ACOT13: variants seen among roughly 807,000 people sequenced by gnomAD.
ACOT13 encodes acyl-coenzyme A thioesterase 13.
Under a neutral mutation model 11.8 loss-of-function variants are expected in ACOT13, and 10 were observed. The ratio of observed to expected loss-of-function variants is 0.85; its 90% CI spans 0.53 to 1.44. The LOEUF is 1.44. Ranked by LOEUF, ACOT13 falls within the 40% of genes most tolerant of loss-of-function variation. The pLI, the probability that ACOT13 is intolerant of heterozygous loss-of-function variation, is 0.00. For missense variants in ACOT13, 172 were observed against 174.1 expected, an observed-to-expected ratio of 0.99 and a Z score of 0.07; for synonymous variants, 53 against 61.0, an observed-to-expected ratio of 0.87 and a Z score of 0.61.
At chr6:24,671,714 C>G (rs1778369822) in intron 1 of ACOT13, among the ~76,000 whole-genome samples, 1 of 151,886 alleles carries the variant, frequency 6.6e-6, no homozygotes, top group Non-Finnish European at 1.5e-5. Context: ...TAAAGAGGAC[C>G]AAAACAACAC....
At chr6:24,675,094 G>T (rs1381255882) in intron 1 of ACOT13, among the ~76,000 whole-genome samples, 1 of 152,032 alleles carries the variant, frequency 6.6e-6, no homozygotes, top group Non-Finnish European at 1.5e-5. Context: ...GTATTCCATG[G>T]TATATATGTG....
At chr6:24,678,841 G>C (rs1227273647) in intron 1 of ACOT13, among the ~76,000 whole-genome samples, 1 of 152,182 alleles carries the variant, frequency 6.6e-6, no homozygotes. Flanking sequence ...GGACAGGAGA[G>C]TAAGACTGAG....
chr6:24,672,864 C>A (rs767803551), intron 1 of ACOT13, among the ~76,000 whole-genome samples: 40 of 152,160 alleles, frequency 2.6e-4, no homozygotes, highest in Non-Finnish European at 5.1e-4. Context: ...ACCTCTTCTT[C>A]GATAGTCTCT....
intron 1 of ACOT13, among the ~76,000 whole-genome samples, chr6:24,684,876 A>T (rs1337990008): frequency 6.6e-6 from 1 of 152,080 alleles, no homozygotes; most frequent in African/African-American, 2.4e-5. Flanking sequence ...TCCAGGCATG[A>T]TAGTGCGTAG....
chr6:24,690,619 T>C (rs549197754), intron 1 of ACOT13, among the ~76,000 whole-genome samples: 1 of 152,234 alleles, frequency 6.6e-6, no homozygotes, highest in Non-Finnish European at 1.5e-5. Flanking sequence ...ACCACCACTA[T>C]CTCAGTGAAC....
At chr6:24,676,283 G>A (rs1778453532) in intron 1 of ACOT13, among the ~76,000 whole-genome samples, 2 of 152,040 alleles carry the variant, frequency 1.3e-5, no homozygotes, top group African/African-American at 2.4e-5. Flanking sequence ...GTAGCTTGAT[G>A]GGGATGGCAT....
At chr6:24,697,217 C>T (rs573260421) in intron 1 of ACOT13, among the ~76,000 whole-genome samples, 2 of 152,334 alleles carry the variant, frequency 1.3e-5, no homozygotes, top group East Asian at 3.9e-4. Context: ...ACACTTTATA[C>T]TAACATGGGT....
intron 1 of ACOT13, among the ~76,000 whole-genome samples, chr6:24,688,412 T>A (rs940061576): frequency 1.3e-5 from 2 of 151,748 alleles, no homozygotes; most frequent in African/African-American, 4.8e-5. Context: ...TGGTGGTGTG[T>A]GCCTGTGGCC....
intron 2 of ACOT13, among the ~76,000 whole-genome samples, chr6:24,698,638 T>TA (rs1249107650): frequency 1.3e-5 from 2 of 148,558 alleles, no homozygotes; most frequent in African/African-American, 5.0e-5. Flanking sequence ...ACACCATTGC[T>TA]GGGGTTTTTT....
At chr6:24,698,188 T>G (rs1778830175) in intron 2 of ACOT13, 121 bp downstream of exon 2, 1 of 894,112 alleles carries the variant, frequency 1.1e-6, no homozygotes. Flanking sequence ...TCTCCTTAAC[T>G]GCACCTATAG....
intron 1 of ACOT13, among the ~76,000 whole-genome samples, chr6:24,676,650 C>T (rs2127622572): frequency 6.6e-6 from 1 of 152,244 alleles, no homozygotes; most frequent in Non-Finnish European, 1.5e-5. Context: ...TCTAAATATA[C>T]AATCATGTCA....
At position 24,701,683 on chromosome 6, in the gene ACOT13, G is replaced by C. The variant is rs1308286611; in HGVS notation, c.*68G>C. 6.3e-6 allele frequency: 9 copies of C among 1,434,216 alleles called. No homozygotes were observed. In the South Asian group the frequency reaches 7.4e-5, roughly 12 times the overall value. 88.8% of individuals were successfully genotyped at this position (1,434,216 alleles called of 1,614,324 possible). On this transcript the variant is annotated 3_prime_UTR_variant, in exon 3 of 3. Coordinates refer to ENST00000230048, the MANE Select transcript of ACOT13 (RefSeq NM_018473.4). Reference sequence around the variant, plus strand: ...AAGTATAGATTTGACTCAAACAATTGTAATTTTTGAAATAAACTAGCAAAA... The same window carrying C: ...AAGTATAGATTTGACTCAAACAATTCTAATTTTTGAAATAAACTAGCAAAA...
chr6:24,667,628 C>T (rs930806172), intron 1 of ACOT13, among the ~76,000 whole-genome samples: 1 of 152,162 alleles, frequency 6.6e-6, no homozygotes, highest in Non-Finnish European at 1.5e-5. Flanking sequence ...AACCAACAAA[C>T]GTCTGCATTG....
Position 24,698,835 on chromosome 6 carries a change from A to G in ACOT13, c.266+768A>G, listed in dbSNP as rs569375181. On this transcript the variant is annotated intron_variant, in intron 2 of 2. Transcript: ENST00000230048. ...GTGTTTTTAGTAAAGACGGGGTTTC[A>G]CCATGTTGGCCAGGCTGGTCTTGAA... is the stretch of plus-strand genomic sequence containing the variant. Among the ~76,000 whole-genome samples the G allele has an allele frequency of 8.1e-4, 123 of 152,106 alleles. 1 individual carries two copies. The highest frequency in any genetic ancestry group is 1.5e-3 in the Admixed American group (23 of 15,278).
In ACOT13 at chr6:24,703,238, G is replaced by C. The variant is rs934120528; in HGVS notation, c.*1623G>C. On this transcript the variant is annotated 3_prime_UTR_variant, in exon 3 of 3. Coordinates refer to ENST00000230048, the MANE Select transcript of ACOT13 (RefSeq NM_018473.4). ...CATTTCATGACTAAAGACTAAAAAG[G>C]ATGCAGCTTTAAGTAAATTTAAGTC... The C allele has an allele frequency of 6.6e-6, 1 of 152,174 alleles. No homozygotes were observed. Among genetic ancestry groups the C allele is most frequent in the Non-Finnish European group, 1.5e-5 (1 of 68,022 alleles). The allele number at this position is 152,174 out of a possible 1,614,324, so 9.4% of individuals were successfully genotyped here. A position where few individuals can be genotyped will look rare whatever the true frequency, so the allele number is the denominator to read the frequency against.
chr6:24,687,637 A>G (rs1415893197), intron 1 of ACOT13: 2 of 1,523,268 alleles, frequency 1.3e-6, no homozygotes, highest in South Asian at 2.6e-5. Flanking sequence ...TGAACCTTAA[A>G]GACATACAGG....
chr6:24,698,325 T>C (rs796685482), intron 2 of ACOT13, among the ~76,000 whole-genome samples: 1 of 151,156 alleles, frequency 6.6e-6, no homozygotes, highest in South Asian at 2.1e-4. Flanking sequence ...CAGCTTTTAA[T>C]GTGTATACTG....
chr6:24,682,742 G>C (rs7451368), intron 1 of ACOT13, among the ~76,000 whole-genome samples: 1 of 152,010 alleles, frequency 6.6e-6, no homozygotes, highest in African/African-American at 2.4e-5. Context: ...CGAAAGCTCA[G>C]CTCGAGCCAT....
Position 24,667,345 on chromosome 6 carries a change from G to A in ACOT13, c.81+1G>A, listed in dbSNP as rs1225632291. On this transcript the variant is annotated splice_donor_variant, in intron 1 of 2. Transcript: ENST00000230048. LOFTEE classifies it high-confidence loss of function. ...CAATTTTGAGAGAGTTTTGGGAAAG[G>A]TATGGGAAAGGTAGGGGAGAAGCCG... The A allele has an allele frequency of 1.2e-6, 2 of 1,613,906 alleles. No homozygotes were observed. Among genetic ancestry groups the A allele is most frequent in the Non-Finnish European group, 1.7e-6 (2 of 1,179,934 alleles).
Sources: allele counts gnomAD v4.1 joint callset (sites outside exome capture counted in the v4.1 genomes callset), GRCh38; gene constraint gnomAD v4.1.1; transcripts MANE v1.5; gene names NCBI Gene and HGNC (gene_info 2026-07-23, HGNC 2026-07-21).